Variants in IL1RAPL1 observed in about 807,000 individuals in gnomAD.
IL1RAPL1 encodes the protein interleukin-1 receptor accessory protein-like 1.
IL1RAPL1 carries 3 observed loss-of-function variants against 48.4 expected under a neutral mutation model. That is an observed-to-expected ratio of 0.06 (90% CI 0.03 to 0.16). IL1RAPL1 has a LOEUF of 0.16. IL1RAPL1 is among the 10% of genes least tolerant of loss of function. The pLI, the probability that IL1RAPL1 is intolerant of heterozygous loss-of-function variation, is 1.00. For synonymous variants in IL1RAPL1, 185 were observed against 187.7 expected (o/e 0.99, Z 0.12); for missense variants, 349 against 530.6 (o/e 0.66, Z 3.36).
intron 5 of IL1RAPL1, among the ~76,000 whole-genome samples, chrX:29,581,176 A>G (rs190453192): frequency 1.2e-4 from 13 of 112,742 alleles, no homozygotes; most frequent in African/African-American, 3.9e-4. Context: ...TGCTGGCACG[A>G]TACACACTTA....
At chrX:28,968,905 T>C (rs760047278) in intron 2 of IL1RAPL1, among the ~76,000 whole-genome samples, 11 of 112,857 alleles carry the variant, frequency 9.7e-5, no homozygotes, top group Non-Finnish European at 1.5e-4. Flanking sequence ...TAGTCAGACT[T>C]ATTAGGTGTT....
chrX:28,903,869 AATT>A (rs1923148583), intron 2 of IL1RAPL1, among the ~76,000 whole-genome samples: 1 of 110,356 alleles, frequency 9.1e-6, no homozygotes, highest in Non-Finnish European at 1.9e-5. Flanking sequence ...ATTATATTTA[AATT>A]ATGAGAAAAG....
At position 29,834,219 on chromosome X, in the gene IL1RAPL1, CTT is replaced by C. The variant is rs1211528487; in HGVS notation, c.779-83244_779-83243del. On this transcript the variant is annotated intron_variant, in intron 6 of 10. Coordinates refer to ENST00000378993, the MANE Select transcript of IL1RAPL1 (RefSeq NM_014271.4). Reference sequence around the variant, plus strand: ...AGCTTGCCATAAACATCAAAAACAGCTTAACAATGCATTCTTATTTTTTATTC... The same window carrying C: ...AGCTTGCCATAAACATCAAAAACAGCAACAATGCATTCTTATTTTTTATTC... 3.6e-5 allele frequency among the ~76,000 whole-genome samples: 4 copies of C among 112,197 alleles called. No individual in the cohort carries two copies. In the Admixed American group the frequency reaches 3.8e-4, roughly 11 times the overall value.
intron 2 of IL1RAPL1, among the ~76,000 whole-genome samples, chrX:29,021,586 A>T (rs762968107): frequency 6.2e-5 from 7 of 112,081 alleles, no homozygotes; most frequent in Non-Finnish European, 1.1e-4. Flanking sequence ...AAGCACAGTA[A>T]TTTCTACTAG....
At chrX:28,744,172 A>G (rs1047955865) in intron 1 of IL1RAPL1, among the ~76,000 whole-genome samples, 6 of 111,148 alleles carry the variant, frequency 5.4e-5, no homozygotes, top group African/African-American at 9.8e-5. Flanking sequence ...TATCTATGCT[A>G]TACGTTCCTG....
chrX:29,705,361 C>T (rs960377515), intron 6 of IL1RAPL1, among the ~76,000 whole-genome samples: 9 of 111,056 alleles, frequency 8.1e-5, no homozygotes, highest in Non-Finnish European at 1.7e-4. Context: ...ATTACAGGCG[C>T]CCACCACCAC....
chrX:29,910,121 G>A (rs375222749), intron 6 of IL1RAPL1, among the ~76,000 whole-genome samples: 297 of 110,861 alleles, frequency 2.7e-3, no homozygotes, highest in African/African-American at 9.0e-3. Context: ...TGGATGGAGC[G>A]AGAGACCATT....
At chrX:29,294,707 G>A (rs926018819) in intron 3 of IL1RAPL1, among the ~76,000 whole-genome samples, 17 of 110,616 alleles carry the variant, frequency 1.5e-4, no homozygotes, top group Middle Eastern at 9.3e-3. Flanking sequence ...TTTGGGCTGT[G>A]GGTCACAGTT....
At chrX:28,636,559 C>T (rs1324242004) in intron 1 of IL1RAPL1, among the ~76,000 whole-genome samples, 1 of 111,753 alleles carries the variant, frequency 8.9e-6, no homozygotes, top group Non-Finnish European at 1.9e-5. Flanking sequence ...ATCAGGCTGT[C>T]CAGCAGTGCA....
At chrX:29,217,773 TCTCTCACACACACACACA>T (rs1181714471) in intron 2 of IL1RAPL1, among the ~76,000 whole-genome samples, 2 of 71,071 alleles carry the variant, frequency 2.8e-5, no homozygotes, top group Non-Finnish European at 5.0e-5. Flanking sequence ...TCTCTCTCTC[TCTCTCACACACACACACA>T]CACACACACA....
In IL1RAPL1 at chrX:28,612,948, C is replaced by G. The variant is rs1163003447; in HGVS notation, c.-25+24901C>G. Among the ~76,000 whole-genome samples the G allele has an allele frequency of 2.7e-5, 3 of 111,862 alleles. No homozygotes were observed. In the Admixed American group the frequency reaches 2.9e-4, roughly 11 times the overall value. On this transcript the variant is annotated intron_variant, in intron 1 of 10. Transcript: ENST00000378993. ...CTGAATGCTTGTTTGAATGGCAATG[C>G]TATCAAAAATATCTTGGGCAAATCT...
intron 2 of IL1RAPL1, among the ~76,000 whole-genome samples, chrX:28,956,438 C>T (rs1226762227): frequency 9.0e-6 from 1 of 110,878 alleles, no homozygotes; most frequent in African/African-American, 3.3e-5. Context: ...TATGTCCCAT[C>T]AATACCTAAT....
At chrX:28,732,866 T>A (rs191873005) in intron 1 of IL1RAPL1, among the ~76,000 whole-genome samples, 2 of 111,521 alleles carry the variant, frequency 1.8e-5, no homozygotes, top group East Asian at 5.6e-4. Context: ...AGACTCTGTC[T>A]TAAATAATAA....
At chrX:29,204,645 T>C (rs1345076927) in intron 2 of IL1RAPL1, among the ~76,000 whole-genome samples, 1 of 112,234 alleles carries the variant, frequency 8.9e-6, no homozygotes, top group Non-Finnish European at 1.9e-5. Context: ...TGATTAATAA[T>C]AGTTGTAGTA....
intron 6 of IL1RAPL1, among the ~76,000 whole-genome samples, chrX:29,730,949 ATATCCTGAGTGTTTTACTC>A (rs1235171422): frequency 8.9e-6 from 1 of 112,148 alleles, no homozygotes; most frequent in Non-Finnish European, 1.9e-5. Flanking sequence ...GTCCATCAGC[ATATCCTGAGTGTTTTACTC>A]TATCCCCAAA....
At chrX:28,891,233 C>G (rs1922762869) in intron 2 of IL1RAPL1, among the ~76,000 whole-genome samples, 1 of 111,620 alleles carries the variant, frequency 9.0e-6, no homozygotes, top group South Asian at 3.7e-4. Context: ...GGTCATGTGT[C>G]TATTTACTCA....
At chrX:28,663,392 T>C (rs1005827074) in intron 1 of IL1RAPL1, among the ~76,000 whole-genome samples, 1 of 112,250 alleles carries the variant, frequency 8.9e-6, no homozygotes, top group Admixed American at 9.4e-5. Context: ...TGTGGAGTAA[T>C]TGAGAGTAGG....
chrX:29,872,418 C>T (rs1931816963), intron 6 of IL1RAPL1, among the ~76,000 whole-genome samples: 1 of 111,675 alleles, frequency 9.0e-6, no homozygotes. Context: ...GACAATTACT[C>T]AATAAGTCTG....
intron 2 of IL1RAPL1, among the ~76,000 whole-genome samples, chrX:29,229,836 T>C (rs1309294907): frequency 4.5e-5 from 5 of 112,259 alleles, no homozygotes; most frequent in Non-Finnish European, 9.4e-5. Context: ...ATCTGGGGTA[T>C]TTCATGTTAA....
Sources: allele counts gnomAD v4.1 joint callset (sites outside exome capture counted in the v4.1 genomes callset), GRCh38; gene constraint gnomAD v4.1.1; transcripts MANE v1.5; gene names NCBI Gene and HGNC (gene_info 2026-07-23, HGNC 2026-07-21).